Variants in ART3 observed in about 807,000 individuals in gnomAD.
ART3 encodes ecto-ADP-ribosyltransferase 3.
ART3 carries 49 observed loss-of-function variants against 48.5 expected under a neutral mutation model. That is an observed-to-expected ratio of 1.01 (90% CI 0.80 to 1.28). The LOEUF (loss-of-function observed/expected upper bound fraction) is 1.28. Ranked by LOEUF, ART3 falls within the 50% of genes most tolerant of loss-of-function variation. The probability of loss-of-function intolerance (pLI) is 0.00; values close to 1 mark genes in which losing one functional copy is unlikely to be tolerated. For missense variants in ART3, 438 were observed against 454.3 expected (o/e 0.96, Z 0.33); for synonymous variants, 145 against 157.2 (o/e 0.92, Z 0.58).
intron 1 of ART3, among the ~76,000 whole-genome samples, chr4:76,042,743 A>G (rs959400319): frequency 7.2e-5 from 11 of 152,106 alleles, no homozygotes; most frequent in Non-Finnish European, 1.5e-4. Flanking sequence ...GTTACAGCTC[A>G]TAAAAGCAGT....
At chr4:76,106,310 T>C (rs1021672948) in intron 10 of ART3, 14 of 985,432 alleles carry the variant, frequency 1.4e-5, no homozygotes, top group Non-Finnish European at 1.7e-5. Flanking sequence ...ATTTCTATGC[T>C]AGGCACACAC....
chr4:76,110,114 T>A (rs955141212), intron 11 of ART3, among the ~76,000 whole-genome samples: 6 of 152,282 alleles, frequency 3.9e-5, no homozygotes, highest in Non-Finnish European at 5.9e-5. Context: ...ACATTTATTT[T>A]TTTTTTATCA....
At chr4:76,020,928 T>A (rs1732744342) in intron 1 of ART3, among the ~76,000 whole-genome samples, 1 of 152,208 alleles carries the variant, frequency 6.6e-6, no homozygotes. Flanking sequence ...TCTGTTATGC[T>A]ACATTAGTTC....
chr4:76,022,495 T>C, intron 1 of ART3: 3 of 1,583,572 alleles, frequency 1.9e-6, no homozygotes, highest in Non-Finnish European at 2.6e-6. Context: ...TAAAACTGTG[T>C]TGGGTCAATA....
At chr4:76,089,739 C>T (rs58605269) in intron 3 of ART3, among the ~76,000 whole-genome samples, 1,859 of 152,164 alleles carry the variant, frequency 0.012, 42 homozygotes, top group African/African-American at 0.042. Flanking sequence ...GTAGTTCACA[C>T]GGTGTCTGAC....
At chr4:76,075,493 T>C (rs1720850661) in intron 1 of ART3, among the ~76,000 whole-genome samples, 1 of 152,158 alleles carries the variant, frequency 6.6e-6, no homozygotes. Context: ...GGGGACCAAT[T>C]TGAGACTGCT....
intron 3 of ART3, among the ~76,000 whole-genome samples, chr4:76,087,557 T>TA (rs1411993360): frequency 6.6e-6 from 1 of 152,160 alleles, no homozygotes; most frequent in Non-Finnish European, 1.5e-5. Context: ...ACAATGTTTC[T>TA]AAAAGGGGTA....
chr4:76,054,711 G>C (rs968592116), intron 1 of ART3, among the ~76,000 whole-genome samples: 1 of 152,042 alleles, frequency 6.6e-6, no homozygotes, highest in African/African-American at 2.4e-5. Flanking sequence ...GTGTGCACCT[G>C]TAATCCCACC....
rs915474025 is a variant in ART3, at chr4:76,038,491, A to T, written c.-10+27171A>T. 2.0e-5 allele frequency among the ~76,000 whole-genome samples: 3 copies of T among 152,238 alleles called. No individual in the cohort carries two copies. The South Asian group carries it at 6.2e-4, about 32-fold the overall frequency. On this transcript the variant is annotated intron_variant, in intron 1 of 9. Transcript: ENST00000341029. ...GAATATTCTTTCCTTCTTTTCCATT[A>T]ATTCATTTAACATATGTAAAGAAAG...
At chr4:76,041,662 G>T (rs1734986857) in intron 1 of ART3, among the ~76,000 whole-genome samples, 1 of 152,108 alleles carries the variant, frequency 6.6e-6, no homozygotes, top group South Asian at 2.1e-4. Flanking sequence ...AATGTTAAAT[G>T]AAATATTTTA....
chr4:76,019,486 A>G (rs1056147523), intron 1 of ART3, among the ~76,000 whole-genome samples: 18 of 18,444 alleles, frequency 9.8e-4, no homozygotes, highest in East Asian at 6.3e-3. Flanking sequence ...TAAAAAAGCA[A>G]TTCTTGGCTG....
intron 3 of ART3, among the ~76,000 whole-genome samples, chr4:76,094,022 A>G (rs1230193808): frequency 1.3e-5 from 2 of 152,198 alleles, no homozygotes; most frequent in Non-Finnish European, 2.9e-5. Context: ...GACGGGGCTA[A>G]TGTCCTTATA....
At chr4:76,098,854 C>A in intron 4 of ART3, 101 bp from the exon 5 acceptor site, 4 of 972,176 alleles carry the variant, frequency 4.1e-6, no homozygotes, top group Non-Finnish European at 6.1e-6. Flanking sequence ...TAAATATAAG[C>A]CAACACAATC....
chr4:76,051,063 G>C (rs940210226), intron 1 of ART3, among the ~76,000 whole-genome samples: 10 of 152,370 alleles, frequency 6.6e-5, no homozygotes, highest in Admixed American at 3.3e-4. Flanking sequence ...GCAAGCTGAG[G>C]GAGCCGGCTC....
At chr4:76,055,987 G>A (rs748064625) in intron 1 of ART3, among the ~76,000 whole-genome samples, 30 of 152,308 alleles carry the variant, frequency 2.0e-4, no homozygotes, top group Non-Finnish European at 3.7e-4. Context: ...CAGTGCAATA[G>A]GTAGCCAGCA....
At chr4:76,043,499 C>G (rs1735185359) in intron 1 of ART3, among the ~76,000 whole-genome samples, 1 of 152,124 alleles carries the variant, frequency 6.6e-6, no homozygotes, top group Admixed American at 6.5e-5. Context: ...ACTGGGGGAC[C>G]CAGTACACCC....
intron 1 of ART3, among the ~76,000 whole-genome samples, chr4:76,068,473 A>G (rs555765968): frequency 6.6e-6 from 1 of 152,336 alleles, no homozygotes; most frequent in Admixed American, 6.5e-5. Flanking sequence ...TATGTCCTCT[A>G]CAGGAACATG....
chr4:76,091,382 G>A (rs887042770), intron 3 of ART3, among the ~76,000 whole-genome samples: 3 of 152,204 alleles, frequency 2.0e-5, no homozygotes, highest in Admixed American at 2.0e-4. Flanking sequence ...AAGAGTTCTA[G>A]CTATACCACA....
chr4:76,034,373 A>G (rs1261311575), intron 1 of ART3: 1 of 433,232 alleles, frequency 2.3e-6, no homozygotes. Flanking sequence ...GATGACTTCT[A>G]GAGACAGAAA....
Sources: allele counts gnomAD v4.1 joint callset (sites outside exome capture counted in the v4.1 genomes callset), GRCh38; gene constraint gnomAD v4.1.1; transcripts MANE v1.5; gene names NCBI Gene and HGNC (gene_info 2026-07-23, HGNC 2026-07-21).